SHCBP1L: variants seen among roughly 807,000 people sequenced by gnomAD.
SHCBP1L encodes the protein SHC binding and spindle associated 1 like.
A neutral mutation model predicts 62.5 loss-of-function variants in SHCBP1L; 67 were observed. The observed-to-expected ratio is 1.07, with a 90% CI of 0.88 to 1.31. The LOEUF is 1.31. Among genes scored for constraint, SHCBP1L ranks in the 40% most tolerant of loss-of-function variants. The pLI is 0.00. For synonymous variants in SHCBP1L, 284 were observed against 289.4 expected (o/e 0.98, Z 0.19); for missense variants, 823 against 809.8 (o/e 1.02, Z -0.20).
At chr1:182,924,597 A>G (rs1259762123) in intron 6 of SHCBP1L, among the ~76,000 whole-genome samples, 1 of 151,008 alleles carries the variant, frequency 6.6e-6, no homozygotes, top group Non-Finnish European at 1.5e-5. Context: ...CGCCCCGCCA[A>G]AAGAATCAAT....
intron 6 of SHCBP1L, among the ~76,000 whole-genome samples, chr1:182,912,160 C>T (rs966579297): frequency 2.6e-5 from 4 of 152,114 alleles, no homozygotes; most frequent in African/African-American, 7.2e-5. Context: ...AACCAGATTC[C>T]GCCAGGCACG....
chr1:182,922,317 C>T (rs780570215), intron 6 of SHCBP1L, among the ~76,000 whole-genome samples: 5 of 152,092 alleles, frequency 3.3e-5, no homozygotes, highest in Admixed American at 6.6e-5. Flanking sequence ...ATCTACAGAT[C>T]GCCTGAGGTC....
chr1:182,914,660 C>T (rs1351913431), intron 6 of SHCBP1L, among the ~76,000 whole-genome samples: 1 of 150,330 alleles, frequency 6.7e-6, no homozygotes, highest in Non-Finnish European at 1.5e-5. Flanking sequence ...CAAAATGGTA[C>T]ACTAAAAAAA....
chr1:182,952,191 AATATATATATATATATATATATATAT>A (rs869051143), intron 1 of SHCBP1L, among the ~76,000 whole-genome samples: 47 of 24,248 alleles, frequency 1.9e-3, no homozygotes, highest in Non-Finnish European at 2.2e-3. Flanking sequence ...AAAAAAAAAA[AATATATATATATATATATATATATAT>A]ATATATATAT....
intron 1 of SHCBP1L, 105 bp downstream of exon 1, chr1:182,952,624 T>C (rs2101965076): frequency 7.4e-7 from 1 of 1,352,798 alleles, no homozygotes; most frequent in Non-Finnish European, 9.9e-7. Flanking sequence ...CAAGTTTTCG[T>C]TGTGCCCTGT....
chr1:182,951,103 A>G (rs116699595), intron 2 of SHCBP1L, among the ~76,000 whole-genome samples: 4,887 of 152,296 alleles, frequency 0.032, 86 homozygotes, highest in Admixed American at 0.051. Flanking sequence ...GCTAATAAAT[A>G]TTGTCTGATA....
chr1:182,909,950 G>C (rs1020393045), intron 6 of SHCBP1L, among the ~76,000 whole-genome samples: 6 of 152,212 alleles, frequency 3.9e-5, no homozygotes, highest in Non-Finnish European at 1.5e-5. Flanking sequence ...AATAAATGCA[G>C]ATAAATATTT....
intron 5 of SHCBP1L, among the ~76,000 whole-genome samples, chr1:182,934,858 G>C (rs907198927): frequency 6.6e-6 from 1 of 152,070 alleles, no homozygotes. Flanking sequence ...TCTGTATCTA[G>C]GTTCACGTTT....
intron 6 of SHCBP1L, among the ~76,000 whole-genome samples, chr1:182,909,788 T>C (rs912897075): frequency 2.6e-5 from 4 of 152,190 alleles, no homozygotes; most frequent in African/African-American, 9.7e-5. Flanking sequence ...TGTCAAATGC[T>C]GCTCAAAGAT....
At position 182,939,479 on chromosome 1, in the gene SHCBP1L, T is replaced by C. The variant is rs1408938122; in HGVS notation, c.845A>G (p.Glu282Gly). The C allele has an allele frequency of 6.2e-7, 1 of 1,605,336 alleles. No individual in the cohort carries two copies. Among genetic ancestry groups the C allele is most frequent in the Non-Finnish European group, 8.5e-7 (1 of 1,176,492 alleles). ...AAACTATACTTACAAATTAATTCTT[T>C]CTTCAATAAGTGCAGTATAATTCTC... ...SCENYTALIE[E>G]RINLWCDIQD... is the part of the protein sequence containing the mutation. The change falls in exon 4 of 10, where the codon GAA becomes GGA. Residue 282 changes from glutamate to glycine, a missense_variant. By Grantham distance (98) the Glu-to-Gly change is moderately conservative. Coordinates refer to ENST00000367547, the MANE Select transcript of SHCBP1L (RefSeq NM_030933.4).
At chr1:182,928,631 T>A (rs1029369240) in intron 6 of SHCBP1L, among the ~76,000 whole-genome samples, 2 of 151,918 alleles carry the variant, frequency 1.3e-5, no homozygotes, top group African/African-American at 4.8e-5. Flanking sequence ...TGTATGAAAG[T>A]GATGAGAAAT....
intron 6 of SHCBP1L, among the ~76,000 whole-genome samples, chr1:182,913,971 A>C (rs1420654035): frequency 5.9e-5 from 9 of 152,130 alleles, no homozygotes; most frequent in Admixed American, 3.3e-4. Context: ...ACAAGAGCAA[A>C]ACTCCATCTC....
chr1:182,903,956 T>G (rs1017761734), intron 8 of SHCBP1L, among the ~76,000 whole-genome samples: 3 of 152,182 alleles, frequency 2.0e-5, no homozygotes, highest in Non-Finnish European at 2.9e-5. Context: ...AAGTCACCCT[T>G]ATAAAACAAA....
At chr1:182,914,324 T>A (rs537167441) in intron 6 of SHCBP1L, among the ~76,000 whole-genome samples, 5 of 152,212 alleles carry the variant, frequency 3.3e-5, no homozygotes, top group South Asian at 2.1e-4. Flanking sequence ...AATAAAAAAA[T>A]TCCAGTAAAG....
At chr1:182,926,858 T>C (rs1650767665) in intron 6 of SHCBP1L, among the ~76,000 whole-genome samples, 2 of 151,834 alleles carry the variant, frequency 1.3e-5, no homozygotes, top group African/African-American at 4.8e-5. Flanking sequence ...TCTAAGCATA[T>C]TACAAATATA....
intron 5 of SHCBP1L, among the ~76,000 whole-genome samples, chr1:182,937,855 A>C (rs1230933639): frequency 6.6e-6 from 1 of 152,218 alleles, no homozygotes; most frequent in East Asian, 1.9e-4. Context: ...CCAAAATCAT[A>C]CCTGAGTCTC....
intron 6 of SHCBP1L, among the ~76,000 whole-genome samples, chr1:182,912,951 A>T (rs1650236097): frequency 6.6e-6 from 1 of 151,762 alleles, no homozygotes; most frequent in Non-Finnish European, 1.5e-5. Flanking sequence ...ACTGACCAAT[A>T]TGGTGAAACC....
In SHCBP1L at chr1:182,953,083, G is replaced by C; in HGVS notation, c.51C>G (p.Ile17Met). ...ASVPADSFRT[I>M]SPDRRGEKSA... ...ACTTCTCGCCTCGCCTGTCCGGGCT[G>C]ATGGTGCGGAATGAGTCCGCGGGCA... The change falls in exon 1 of 10, where the codon ATC becomes ATG. Residue 17 changes from isoleucine (I) to methionine (M), a missense_variant. By Grantham distance (10) the Ile-to-Met change is conservative (BLOSUM62 1). Coordinates refer to ENST00000367547, the MANE Select transcript of SHCBP1L (RefSeq NM_030933.4). 2.6e-6 allele frequency: 4 copies of C among 1,563,736 alleles called. No individual in the cohort carries two copies. The highest frequency in any genetic ancestry group is 3.4e-6 in the Non-Finnish European group (4 of 1,161,950).
rs10911159 is a variant in SHCBP1L at position 182,918,120 on chromosome 1, A to G, written c.1182+11527T>C. Among the ~76,000 whole-genome samples, 128 of 148,738 alleles carry G rather than the reference A, an allele frequency of 8.6e-4. 1 individual carries two copies. The highest frequency in any genetic ancestry group is 2.9e-3 in the African/African-American group (118 of 40,718). On this transcript the variant is annotated intron_variant, in intron 6 of 9. Transcript: ENST00000367547. ...TATATGTATATATACACACACATAT[A>G]TACGTGTGTGTGTATATATATACAC...
Sources: gnomAD v4.1 joint callset for allele counts (sites outside exome capture counted in the v4.1 genomes callset) on GRCh38, gnomAD v4.1.1 for gene constraint, MANE v1.5 for transcripts, NCBI Gene and HGNC (gene_info 2026-07-23, HGNC 2026-07-21) for gene names.